Variants in KAZN observed in about 807,000 individuals in gnomAD.
The protein encoded by KAZN is kazrin.
Under a neutral mutation model 87.4 loss-of-function variants are expected in KAZN, and 40 were observed. That is an observed-to-expected ratio of 0.46 (90% CI 0.36 to 0.60). The LOEUF is 0.60. KAZN is among the 20% of genes least tolerant of loss of function. KAZN has a pLI of 0.00. For synonymous variants in KAZN, 466 were observed against 458.3 expected (o/e 1.02, Z -0.22); for missense variants, 898 against 1,073.9 (o/e 0.84, Z 2.29).
At position 15,066,598 on chromosome 1, in the gene KAZN, A is replaced by C. The variant is rs1422612546; in HGVS notation, c.1222+845A>C. The C allele has an allele frequency of 1.0e-6, 1 of 983,540 alleles. No homozygotes were observed. The highest frequency in any genetic ancestry group is 1.7e-5 in the African/African-American group (1 of 57,194). The allele number at this position is 983,540 out of a possible 1,614,324, so 60.9% of individuals were successfully genotyped here. A position where few individuals can be genotyped will look rare whatever the true frequency, so the allele number is the denominator to read the frequency against. The stretch of plus-strand genomic sequence containing the variant: ...AAAAGAAAATTGTTTCATTTAATTT[A>C]TTTGCACAAATGCTGAAAACTTATT... On this transcript the variant is annotated intron_variant, in intron 8 of 14. Transcript: ENST00000376030. This position sits in a 1 kb window ranked among gnomAD's most constrained non-coding sequence, Gnocchi z 4.3.
At chr1:14,850,156 G>T (rs573967897) in intron 1 of KAZN, among the ~76,000 whole-genome samples, 1 of 152,126 alleles carries the variant, frequency 6.6e-6, no homozygotes, top group East Asian at 1.9e-4. Context: ...GGATGGTCTC[G>T]ATCTCTTGAC....
intron 2 of KAZN, among the ~76,000 whole-genome samples, chr1:14,384,500 AATTT>A (rs2101061492): frequency 6.6e-6 from 1 of 152,180 alleles, no homozygotes; most frequent in African/African-American, 2.4e-5. Context: ...ATCAATACCT[AATTT>A]ATTGAGAGTT....
chr1:14,788,151 C>A (rs1645565983), intron 1 of KAZN, among the ~76,000 whole-genome samples: 2 of 152,292 alleles, frequency 1.3e-5, no homozygotes, highest in African/African-American at 2.4e-5. Flanking sequence ...GCTCTGTGCA[C>A]CTGCCTGGGT....
At chr1:14,549,630 T>C (rs1673381483) in intron 2 of KAZN, among the ~76,000 whole-genome samples, 1 of 123,622 alleles carries the variant, frequency 8.1e-6, no homozygotes, top group African/African-American at 2.8e-5. Flanking sequence ...TTTTTTTTTA[T>C]TCAGGACAAG....
intron 1 of KAZN, among the ~76,000 whole-genome samples, chr1:14,931,687 C>A: frequency 6.6e-6 from 1 of 152,140 alleles, no homozygotes; most frequent in East Asian, 1.9e-4. Flanking sequence ...ACATTGAGAA[C>A]CTCTGCCCTT....
chr1:14,751,483 C>T (rs1374688069), intron 1 of KAZN, among the ~76,000 whole-genome samples: 1 of 152,194 alleles, frequency 6.6e-6, no homozygotes, highest in Non-Finnish European at 1.5e-5. Context: ...CTCGTTAAAG[C>T]CTCATAACAC....
intron 1 of KAZN, among the ~76,000 whole-genome samples, chr1:14,048,912 C>G (rs929687454): frequency 6.6e-6 from 1 of 152,132 alleles, no homozygotes. Flanking sequence ...TCCTATTTCT[C>G]CACATCCTCT....
intron 2 of KAZN, among the ~76,000 whole-genome samples, chr1:14,379,981 A>G (rs1237739249): frequency 6.6e-6 from 1 of 152,178 alleles, no homozygotes; most frequent in Non-Finnish European, 1.5e-5. Context: ...GTGGGCACAG[A>G]GGTGTTTATA....
chr1:14,930,073 C>T, intron 1 of KAZN: 7 of 985,528 alleles, frequency 7.1e-6, no homozygotes, highest in Non-Finnish European at 8.4e-6. Context: ...CTGTCCCAGC[C>T]CTGAACTGGC....
At chr1:14,675,583 A>G (rs960898203) in intron 1 of KAZN, among the ~76,000 whole-genome samples, 5 of 151,942 alleles carry the variant, frequency 3.3e-5, no homozygotes, top group African/African-American at 4.8e-5. Context: ...CCAATCTACC[A>G]TCTCATTTCT....
chr1:14,945,810 C>G, intron 1 of KAZN: 1 of 933,402 alleles, frequency 1.1e-6, no homozygotes, highest in Non-Finnish European at 1.3e-6. Flanking sequence ...TCGAGAGCCT[C>G]CCACCAAAGG....
intron 1 of KAZN, among the ~76,000 whole-genome samples, chr1:14,741,893 A>ACC (rs1432405224): frequency 1.3e-5 from 2 of 152,184 alleles, no homozygotes; most frequent in Non-Finnish European, 2.9e-5. Context: ...CCAGAATCCA[A>ACC]ATATTCCCTT....
intron 2 of KAZN, among the ~76,000 whole-genome samples, chr1:14,355,400 A>ATTTT (rs1327855336): frequency 2.0e-4 from 30 of 147,978 alleles, no homozygotes; most frequent in African/African-American, 7.4e-4. Flanking sequence ...AACAATCTAC[A>ATTTT]TATTTATTTA....
At chr1:14,002,392 T>A (rs1440285005) in intron 1 of KAZN, among the ~76,000 whole-genome samples, 1 of 152,228 alleles carries the variant, frequency 6.6e-6, no homozygotes, top group African/African-American at 2.4e-5. Flanking sequence ...TTTCCCATGC[T>A]CTTCTAGTGA....
chr1:14,976,322 G>A (rs1045383835), intron 2 of KAZN, among the ~76,000 whole-genome samples: 20 of 152,172 alleles, frequency 1.3e-4, no homozygotes, highest in African/African-American at 4.3e-4. Context: ...AGAACAGCAC[G>A]TCATCAGGCC....
chr1:14,548,478 C>A (rs1277865058), intron 2 of KAZN, among the ~76,000 whole-genome samples: 1 of 152,134 alleles, frequency 6.6e-6, no homozygotes, highest in African/African-American at 2.4e-5. Flanking sequence ...CGATTACAGG[C>A]GTGAGCTACC....
At chr1:14,017,285 C>G (rs1297076479) in intron 1 of KAZN, among the ~76,000 whole-genome samples, 1 of 152,204 alleles carries the variant, frequency 6.6e-6, no homozygotes, top group Non-Finnish European at 1.5e-5. Flanking sequence ...TTGCAAAAGA[C>G]TCAGAGCCCT....
intron 2 of KAZN, among the ~76,000 whole-genome samples, chr1:14,426,475 C>T (rs950595597): frequency 2.0e-5 from 3 of 152,290 alleles, no homozygotes; most frequent in South Asian, 2.1e-4. Flanking sequence ...TAGAACACTG[C>T]CATGGTACAT....
chr1:14,119,222 G>A (rs144767126), intron 1 of KAZN, among the ~76,000 whole-genome samples: 155 of 152,246 alleles, frequency 1.0e-3, no homozygotes, highest in African/African-American at 3.6e-3. Context: ...CAGCCCATGG[G>A]TCTGTAGGGG....
Sources: allele counts gnomAD v4.1 joint callset (sites outside exome capture counted in the v4.1 genomes callset), GRCh38; gene constraint gnomAD v4.1.1; non-coding constraint Gnocchi (gnomAD v3.1); transcripts MANE v1.5; gene names NCBI Gene and HGNC (gene_info 2026-07-23, HGNC 2026-07-21).